HECA: variants seen among roughly 807,000 people sequenced by gnomAD.
The protein encoded by HECA is headcase protein homolog.
A neutral mutation model predicts 37.6 loss-of-function variants in HECA; 13 were observed. That is an observed-to-expected ratio of 0.35 (90% CI 0.23 to 0.55). The LOEUF (loss-of-function observed/expected upper bound fraction) is 0.55. HECA is among the 20% of genes least tolerant of loss of function. The probability of loss-of-function intolerance (pLI) is 0.90; values close to 1 mark genes in which losing one functional copy is unlikely to be tolerated. For missense variants in HECA, 527 were observed against 701.9 expected, an observed-to-expected ratio of 0.75 and a Z score of 2.82; for synonymous variants, 307 against 291.5, an observed-to-expected ratio of 1.05 and a Z score of -0.54.
chr6:139,166,609 C>G lies in HECA; in HGVS notation c.597C>G (p.Asp199Glu), dbSNP rs769303187. The G allele has an allele frequency of 6.2e-7, 1 of 1,614,028 alleles. No homozygotes were observed. Among genetic ancestry groups the G allele is most frequent in the Non-Finnish European group, 8.5e-7 (1 of 1,180,034 alleles). ...TDWYQVKRMQ[D>E]EKKKKSGSEK... The stretch of plus-strand genomic sequence containing the variant: ...GGTATCAGGTGAAGCGGATGCAGGA[C>G]GAGAAAAAGAAGAAGTCTGGCTCCG... Residue 199 changes from aspartate to glutamate, a missense_variant, in exon 2 of 4, where the codon GAC becomes GAG. Physicochemically the swap from Asp to Glu is conservative, Grantham distance 45. This residue lies in a region of HECA where 228 missense variants were observed against 259.8 expected (regional missense o/e 0.88). Coordinates refer to ENST00000367658, the MANE Select transcript of HECA (RefSeq NM_016217.3).
chr6:139,149,313 C>T (rs889348196), intron 1 of HECA, among the ~76,000 whole-genome samples: 2 of 152,194 alleles, frequency 1.3e-5, no homozygotes, highest in Non-Finnish European at 2.9e-5. Context: ...TGCCATTTTG[C>T]AAGGCTGCCA....
At chr6:139,136,769 G>A (rs1774452565) in intron 1 of HECA, among the ~76,000 whole-genome samples, 1 of 151,976 alleles carries the variant, frequency 6.6e-6, no homozygotes, top group Non-Finnish European at 1.5e-5. Flanking sequence ...CGAGTAGCTG[G>A]GATTACAGGC....
chr6:139,145,359 TA>T lies in HECA; in HGVS notation c.271+9695del, dbSNP rs557898025. On this transcript the variant is annotated intron_variant, in intron 1 of 3. Transcript: ENST00000367658. ...AATTTTTCAGACAAATTACTTTTGC[TA>T]AATTGTACAGATGAGGATAATACTT... Among the ~76,000 whole-genome samples the T allele has an allele frequency of 4.0e-3, 609 of 152,324 alleles. 2 individuals carry two copies. Among genetic ancestry groups the T allele is most frequent in the Middle Eastern group, 0.014 (4 of 294 alleles).
At chr6:139,146,499 T>C (rs1420986268) in intron 1 of HECA, among the ~76,000 whole-genome samples, 1 of 152,214 alleles carries the variant, frequency 6.6e-6, no homozygotes, top group Non-Finnish European at 1.5e-5. Flanking sequence ...AACACACTAG[T>C]TGTTATGCCT....
intron 1 of HECA, among the ~76,000 whole-genome samples, chr6:139,152,472 G>A (rs1032414599): frequency 7.0e-6 from 1 of 141,954 alleles, no homozygotes; most frequent in African/African-American, 2.6e-5. Context: ...TTGACAGAGT[G>A]GTTTGCCTGA....
rs1016285923 is a variant in HECA, at chr6:139,177,451, C to G, written c.*346C>G. The G allele has an allele frequency of 2.6e-4, 44 of 169,748 alleles. No individual in the cohort carries two copies. Among genetic ancestry groups the G allele is most frequent in the African/African-American group, 1.0e-3 (44 of 42,044 alleles). 10.5% of individuals were successfully genotyped at this position (169,748 alleles called of 1,614,324 possible). ...GAGCTTGATAGGAGTTGGAAGGAAA[C>G]TCTTACTAAAATGTTAACTTTCTAA... On this transcript the variant is annotated 3_prime_UTR_variant, in exon 4 of 4. Transcript: ENST00000367658. This position sits in a 1 kb window ranked among gnomAD's most constrained non-coding sequence, Gnocchi z 4.9.
rs978947531 is a variant in HECA, at chr6:139,178,031, G to A, written c.*926G>A. ...TTTATTGTCCTCAAAATTGCTTATG[G>A]CCATGTATAACCAATTAATTCTGAG... On this transcript the variant is annotated 3_prime_UTR_variant, in exon 4 of 4. Coordinates refer to ENST00000367658, the MANE Select transcript of HECA (RefSeq NM_016217.3). The A allele has an allele frequency of 6.6e-6, 1 of 152,162 alleles. No individual in the cohort carries two copies. The highest frequency in any genetic ancestry group is 1.5e-5 in the Non-Finnish European group (1 of 68,036). 9.4% of individuals were successfully genotyped at this position (152,162 alleles called of 1,614,324 possible).
At chr6:139,141,943 T>G (rs1370667404) in intron 1 of HECA, among the ~76,000 whole-genome samples, 1 of 63,668 alleles carries the variant, frequency 1.6e-5, no homozygotes, top group African/African-American at 6.3e-5. Context: ...TTTTTTTTTT[T>G]GGACATGGAG....
rs749108234 is a variant in HECA, at chr6:139,164,816, C to T, written c.272-1468C>T. Among the ~76,000 whole-genome samples, 101 of 150,524 alleles carry T rather than the reference C, an allele frequency of 6.7e-4. 2 individuals carry two copies. In the Middle Eastern group the frequency reaches 0.051, roughly 76 times the overall value. On this transcript the variant is annotated intron_variant, in intron 1 of 3. Coordinates refer to ENST00000367658, the MANE Select transcript of HECA (RefSeq NM_016217.3). ...CACCGCCCCCCACCGCTCATACAAC[C>T]GGCAGCCACTCTTTTGGGCCTGTGG...
chr6:139,137,222 T>C (rs1582932631), intron 1 of HECA, among the ~76,000 whole-genome samples: 1 of 152,182 alleles, frequency 6.6e-6, no homozygotes, highest in African/African-American at 2.4e-5. Flanking sequence ...GTGCTCAGAC[T>C]CTGGGTAGGA....
chr6:139,167,287 T>C lies in HECA; in HGVS notation c.1275T>C (p.His425=). ...CTTTGTTCCTAAGCCCGTCGAGACATGATGAGATCGAATATGATGTTCCTT... is the reference window on the plus strand; with the variant it reads ...CTTTGTTCCTAAGCCCGTCGAGACACGATGAGATCGAATATGATGTTCCTT... ...DGTLFLSPSR[H]DEIEYDVPCH... Residue 425 remains histidine (H), a synonymous_variant, in exon 2 of 4, where the codon CAT becomes CAC. Coordinates refer to ENST00000367658, the MANE Select transcript of HECA (RefSeq NM_016217.3). 1 of 1,608,166 alleles carries C rather than the reference T, an allele frequency of 6.2e-7. No individual in the cohort carries two copies. Among genetic ancestry groups the C allele is most frequent in the Non-Finnish European group, 8.5e-7 (1 of 1,175,150 alleles).
intron 1 of HECA, among the ~76,000 whole-genome samples, chr6:139,162,297 T>G (rs561806291): frequency 2.6e-5 from 4 of 152,234 alleles, no homozygotes; most frequent in African/African-American, 9.6e-5. Context: ...CTTGAAGCAG[T>G]AGGAGTGGGG....
chr6:139,147,885 T>C (rs1774604828), intron 1 of HECA, among the ~76,000 whole-genome samples: 1 of 152,226 alleles, frequency 6.6e-6, no homozygotes, highest in African/African-American at 2.4e-5. Flanking sequence ...TGATACATAT[T>C]GCCAAACTGC....
intron 1 of HECA, among the ~76,000 whole-genome samples, chr6:139,143,998 G>T (rs1336233861): frequency 6.6e-6 from 1 of 152,224 alleles, no homozygotes; most frequent in Non-Finnish European, 1.5e-5. Context: ...AGATGGAGAA[G>T]TCAAATGAGT....
intron 1 of HECA, among the ~76,000 whole-genome samples, chr6:139,163,226 C>T (rs1015386406): frequency 6.6e-6 from 1 of 152,198 alleles, no homozygotes; most frequent in Non-Finnish European, 1.5e-5. Context: ...AGTGAGGTTG[C>T]TGCTAGCTGC....
chr6:139,155,399 A>T (rs1279692549), intron 1 of HECA, among the ~76,000 whole-genome samples: 1 of 152,226 alleles, frequency 6.6e-6, no homozygotes, highest in Non-Finnish European at 1.5e-5. Flanking sequence ...ACTTTGATAA[A>T]CACTGTACAC....
Position 139,178,099 on chromosome 6 carries a change from A to G in HECA, c.*994A>G, listed in dbSNP as rs1167456213. 2.0e-5 allele frequency: 3 copies of G among 152,254 alleles called. No homozygotes were observed. Among genetic ancestry groups the G allele is most frequent in the African/African-American group, 7.2e-5 (3 of 41,466 alleles). The allele number at this position is 152,254 out of a possible 1,614,324, so 9.4% of individuals were successfully genotyped here. ...TTGACCTTAAGAGGGAAGGGAAAAA[A>G]GTGTGAAAGGATGATGAAGAAAATA... is the stretch of plus-strand genomic sequence containing the variant. On this transcript the variant is annotated 3_prime_UTR_variant, in exon 4 of 4. Coordinates refer to ENST00000367658, the MANE Select transcript of HECA (RefSeq NM_016217.3).
intron 1 of HECA, among the ~76,000 whole-genome samples, chr6:139,136,851 G>C (rs1305096816): frequency 6.6e-6 from 1 of 151,994 alleles, no homozygotes; most frequent in African/African-American, 2.4e-5. Flanking sequence ...GGTCAGGCTG[G>C]TCTCGAACTC....
At chr6:139,168,508 C>G (rs551671313) in intron 2 of HECA, among the ~76,000 whole-genome samples, 1 of 150,946 alleles carries the variant, frequency 6.6e-6, no homozygotes, top group Non-Finnish European at 1.5e-5. Flanking sequence ...TTCCACATAC[C>G]TGTCAGATTT....
Sources: gnomAD v4.1 joint callset for allele counts (sites outside exome capture counted in the v4.1 genomes callset) on GRCh38, gnomAD v4.1.1 for gene constraint, gnomAD v4.1.1 regional missense constraint, Gnocchi (gnomAD v3.1) non-coding constraint, MANE v1.5 for transcripts, NCBI Gene and HGNC (gene_info 2026-07-23, HGNC 2026-07-21) for gene names.